TMEM178B: variants seen among roughly 807,000 people sequenced by gnomAD.
The protein encoded by TMEM178B is transmembrane protein 178B.
Under a neutral mutation model 31.0 loss-of-function variants are expected in TMEM178B, and 5 were observed. The ratio of observed to expected loss-of-function variants is 0.16; its 90% CI spans 0.08 to 0.34. TMEM178B has a LOEUF of 0.34. Among genes scored for constraint, TMEM178B ranks in the 10% least tolerant of loss-of-function variants. The pLI, the probability that TMEM178B is intolerant of heterozygous loss-of-function variation, is 1.00. For synonymous variants in TMEM178B, 164 were observed against 164.0 expected (o/e 1.00, Z 0.00); for missense variants, 275 against 400.3 (o/e 0.69, Z 2.67).
chr7:141,125,834 T>C (rs576351056), intron 1 of TMEM178B, among the ~76,000 whole-genome samples: 65 of 152,370 alleles, frequency 4.3e-4, no homozygotes, highest in Non-Finnish European at 8.5e-4. Flanking sequence ...AGAAAATTTC[T>C]TTTGGTACTG....
Position 141,231,310 on chromosome 7 carries a change from G to GAAA in TMEM178B, c.496+18608_496+18609insAAA, listed in dbSNP as rs770411127. Among the ~76,000 whole-genome samples, 62 of 105,316 alleles carry GAAA rather than the reference G, an allele frequency of 5.9e-4. 1 individual carries two copies. In the East Asian group the frequency reaches 0.013, roughly 21 times the overall value. 69.1% of individuals were successfully genotyped at this position (105,316 alleles called of 152,430 possible). A position where few individuals can be genotyped will look rare whatever the true frequency, so the allele number is the denominator to read the frequency against. The stretch of plus-strand genomic sequence containing the variant: ...GGGGCTCCTGACCTAGAGCTCAAGA[G>GAAA]AAGAAAAAAAAAAAACACGACAAGG... On this transcript the variant is annotated intron_variant, in intron 2 of 3. Coordinates refer to ENST00000565468, the MANE Select transcript of TMEM178B (RefSeq NM_001195278.2).
At chr7:141,100,739 A>G (rs1795043034) in intron 1 of TMEM178B, among the ~76,000 whole-genome samples, 1 of 152,234 alleles carries the variant, frequency 6.6e-6, no homozygotes, top group African/African-American at 2.4e-5. Context: ...TAGAATATAT[A>G]TATGCAGAAT....
intron 1 of TMEM178B, among the ~76,000 whole-genome samples, chr7:141,078,993 TTAAA>T (rs1333054225): frequency 2.6e-5 from 4 of 152,066 alleles, no homozygotes; most frequent in African/African-American, 4.8e-5. Context: ...ATAACCAAAG[TTAAA>T]TAAAATAGGC....
intron 2 of TMEM178B, among the ~76,000 whole-genome samples, chr7:141,351,381 ACGGCTGGTCACTGC>A (rs1799718994): frequency 6.6e-6 from 1 of 152,268 alleles, no homozygotes; most frequent in Non-Finnish European, 1.5e-5. Flanking sequence ...CTTAGCCGGA[ACGGCTGGTCACTGC>A]CTCTAGCAGG....
At chr7:141,215,628 G>A (rs12703370) in intron 2 of TMEM178B, among the ~76,000 whole-genome samples, 97,323 of 151,652 alleles carry the variant, frequency 0.64, 32,969 homozygotes, top group Middle Eastern at 0.78. Context: ...GCCTGGTCTG[G>A]TTATCATTTT....
intron 2 of TMEM178B, among the ~76,000 whole-genome samples, chr7:141,347,634 C>T (rs1277743958): frequency 6.6e-6 from 1 of 152,132 alleles, no homozygotes; most frequent in Non-Finnish European, 1.5e-5. Flanking sequence ...CCCATAGGCT[C>T]ATGGCCCTCT....
At chr7:141,367,569 A>G (rs1800031885) in intron 2 of TMEM178B, among the ~76,000 whole-genome samples, 1 of 152,152 alleles carries the variant, frequency 6.6e-6, no homozygotes, top group South Asian at 2.1e-4. Context: ...CCCAGCTGAC[A>G]ATTACCCTTT....
chr7:141,103,007 C>G (rs1420350303), intron 1 of TMEM178B, among the ~76,000 whole-genome samples: 1 of 152,186 alleles, frequency 6.6e-6, no homozygotes, highest in Non-Finnish European at 1.5e-5. Context: ...CAGCCACACT[C>G]ACTGACATCC....
intron 2 of TMEM178B, among the ~76,000 whole-genome samples, chr7:141,369,316 C>CGTGTGTGTGTGTGTGTGT (rs55960871): frequency 5.1e-5 from 7 of 138,350 alleles, no homozygotes; most frequent in Non-Finnish European, 7.9e-5. Context: ...TCCGCGCCGA[C>CGTGTGTGTGTGTGTGTGT]GTGTGTGTGT....
At chr7:141,087,486 T>C (rs1794807831) in intron 1 of TMEM178B, among the ~76,000 whole-genome samples, 1 of 152,134 alleles carries the variant, frequency 6.6e-6, no homozygotes, top group Non-Finnish European at 1.5e-5. Flanking sequence ...AACTTGATCA[T>C]AGATTGAACT....
At chr7:141,242,438 C>T (rs1452477905) in intron 2 of TMEM178B, among the ~76,000 whole-genome samples, 1 of 151,298 alleles carries the variant, frequency 6.6e-6, no homozygotes, top group East Asian at 1.9e-4. Flanking sequence ...GTGATTTCCT[C>T]ATGGTATTCG....
At chr7:141,357,039 G>A (rs1799831970) in intron 2 of TMEM178B, among the ~76,000 whole-genome samples, 1 of 152,168 alleles carries the variant, frequency 6.6e-6, no homozygotes, top group African/African-American at 2.4e-5. Context: ...TTCAGAACAA[G>A]AGTAGATTCT....
rs866824746 is a variant in TMEM178B, at chr7:141,461,994, C to T, written c.635-8542C>T. ...TACCTGGCACTTCTAACATTAGCGA[C>T]GCATTCCAGGGATCCAAGTTTCTGT... On this transcript the variant is annotated intron_variant, in intron 3 of 3. Coordinates refer to ENST00000565468, the MANE Select transcript of TMEM178B (RefSeq NM_001195278.2). This position sits in a 1 kb window ranked among gnomAD's most constrained non-coding sequence, Gnocchi z 4.0. Among the ~76,000 whole-genome samples, 1 of 152,168 alleles carries T rather than the reference C, an allele frequency of 6.6e-6. No homozygotes were observed. The highest frequency in any genetic ancestry group is 1.5e-5 in the Non-Finnish European group (1 of 68,028).
At chr7:141,091,375 C>T (rs1266135887) in intron 1 of TMEM178B, among the ~76,000 whole-genome samples, 1 of 152,092 alleles carries the variant, frequency 6.6e-6, no homozygotes, top group Non-Finnish European at 1.5e-5. Flanking sequence ...TATTTAAAAA[C>T]CTGTAGGAAC....
At chr7:141,394,331 A>G (rs1382630331) in intron 2 of TMEM178B, among the ~76,000 whole-genome samples, 1 of 152,222 alleles carries the variant, frequency 6.6e-6, no homozygotes, top group Non-Finnish European at 1.5e-5. Flanking sequence ...GGTTTGATTC[A>G]GATATGGCCT....
At chr7:141,208,158 A>G (rs531454811) in intron 1 of TMEM178B, among the ~76,000 whole-genome samples, 2 of 152,160 alleles carry the variant, frequency 1.3e-5, no homozygotes, top group South Asian at 4.2e-4. Context: ...ACGCCACTGC[A>G]TGCCAGCCTG....
chr7:141,501,868 C>CTCTCTT, the TMEM178B span, among the ~76,000 whole-genome samples: 2 of 152,152 alleles, frequency 1.3e-5, no homozygotes, highest in African/African-American at 4.8e-5. Context: ...CTCTCTCTCT[C>CTCTCTT]TCTGTCCCCA....
intron 1 of TMEM178B, among the ~76,000 whole-genome samples, chr7:141,075,076 T>C (rs1270430209): frequency 6.6e-6 from 1 of 152,170 alleles, no homozygotes; most frequent in Admixed American, 6.6e-5. Context: ...CTAATTTTTG[T>C]TGAACTGATT....
chr7:141,260,729 A>G (rs780542754), intron 2 of TMEM178B, among the ~76,000 whole-genome samples: 4 of 152,232 alleles, frequency 2.6e-5, no homozygotes, highest in Non-Finnish European at 4.4e-5. Flanking sequence ...AGTAATTTAA[A>G]AAAACATTAT....
Sources: allele counts gnomAD v4.1 joint callset (sites outside exome capture counted in the v4.1 genomes callset), GRCh38; gene constraint gnomAD v4.1.1; non-coding constraint Gnocchi (gnomAD v3.1); transcripts MANE v1.5; gene names NCBI Gene and HGNC (gene_info 2026-07-23, HGNC 2026-07-21).